DNM3: variants seen among roughly 807,000 people sequenced by gnomAD.
DNM3 encodes dynamin 3, also known as dynamin-3.
Under a neutral mutation model 101.6 loss-of-function variants are expected in DNM3, and 47 were observed. The observed-to-expected ratio is 0.46, with a 90% CI of 0.37 to 0.59. DNM3 has a LOEUF of 0.59. DNM3 is among the 20% of genes least tolerant of loss of function. The pLI is 0.00. For missense variants in DNM3, 849 were observed against 1,085.7 expected (o/e 0.78, Z 3.06); for synonymous variants, 385 against 387.9 (o/e 0.99, Z 0.09).
At chr1:172,078,660 T>C (rs991505006) in intron 11 of DNM3, among the ~76,000 whole-genome samples, 1 of 152,208 alleles carries the variant, frequency 6.6e-6, no homozygotes, top group Non-Finnish European at 1.5e-5. Flanking sequence ...TTTGATCCTG[T>C]CATTATGATG....
intron 4 of DNM3, among the ~76,000 whole-genome samples, chr1:172,006,823 A>T (rs945360094): frequency 8.6e-5 from 13 of 151,992 alleles, no homozygotes; most frequent in Admixed American, 3.9e-4. Context: ...CTAGTATCCA[A>T]CTCCTGGCTC....
At chr1:171,891,979 G>A (rs7554700) in intron 1 of DNM3, among the ~76,000 whole-genome samples, 112,611 of 152,160 alleles carry the variant, frequency 0.74, 42,190 homozygotes, top group African/African-American at 0.87. Context: ...ACTCATCTGC[G>A]TGGGAGTTTT....
intron 13 of DNM3, among the ~76,000 whole-genome samples, chr1:172,128,747 C>T (rs1223242451): frequency 6.6e-6 from 1 of 152,178 alleles, no homozygotes; most frequent in Non-Finnish European, 1.5e-5. Context: ...GCTACACTAT[C>T]ACCTACTTCT....
chr1:172,170,737 T>C (rs1211905793), intron 14 of DNM3, among the ~76,000 whole-genome samples: 1 of 151,832 alleles, frequency 6.6e-6, no homozygotes, highest in Non-Finnish European at 1.5e-5. Flanking sequence ...ATTCTCTACA[T>C]CTCACCTTCT....
At chr1:171,969,494 G>T (rs2043832211) in intron 2 of DNM3, among the ~76,000 whole-genome samples, 1 of 152,152 alleles carries the variant, frequency 6.6e-6, no homozygotes, top group South Asian at 2.1e-4. Flanking sequence ...GTAATCTCTG[G>T]AGCTGCCCTA....
chr1:172,053,552 G>T (rs1402416447), intron 10 of DNM3, among the ~76,000 whole-genome samples: 1 of 151,860 alleles, frequency 6.6e-6, no homozygotes, highest in Non-Finnish European at 1.5e-5. Flanking sequence ...TGAAAAAAAA[G>T]GCGCTGTGTT....
chr1:171,937,713 G>A (rs1447441212), intron 2 of DNM3, among the ~76,000 whole-genome samples: 1 of 152,056 alleles, frequency 6.6e-6, no homozygotes, highest in Non-Finnish European at 1.5e-5. Context: ...GGGACCACAG[G>A]GGTGTGCCAC....
chr1:172,378,975 AG>A, intron 17 of DNM3, 42 bp from the exon 18 acceptor site: 1 of 1,577,934 alleles, frequency 6.3e-7, no homozygotes, highest in Non-Finnish European at 8.6e-7. Context: ...TTTTCTTCTG[AG>A]TGAATATGAG....
intron 17 of DNM3, among the ~76,000 whole-genome samples, chr1:172,339,447 G>C (rs2066591624): frequency 1.3e-5 from 2 of 152,154 alleles, no homozygotes; most frequent in South Asian, 4.1e-4. Flanking sequence ...TAGCCAGTCA[G>C]TCACCTGTTT....
chr1:171,972,948 GA>G (rs1370968595), intron 2 of DNM3, among the ~76,000 whole-genome samples: 1 of 152,186 alleles, frequency 6.6e-6, no homozygotes, highest in East Asian at 1.9e-4. Context: ...TCAATACCCT[GA>G]AGTTATTTGC....
At chr1:172,027,896 A>C (rs2048328720) in intron 4 of DNM3, among the ~76,000 whole-genome samples, 1 of 152,220 alleles carries the variant, frequency 6.6e-6, no homozygotes, top group Non-Finnish European at 1.5e-5. Context: ...ATATGCACCC[A>C]ATACAGGAGC....
At chr1:171,890,419 C>T (rs1163000675) in intron 1 of DNM3, among the ~76,000 whole-genome samples, 2 of 152,066 alleles carry the variant, frequency 1.3e-5, no homozygotes, top group Non-Finnish European at 1.5e-5. Context: ...AAAGCATAAC[C>T]GAGTTTATTT....
intron 14 of DNM3, among the ~76,000 whole-genome samples, chr1:172,230,339 A>T (rs567868): frequency 0.064 from 9,696 of 152,242 alleles, 1,045 homozygotes; most frequent in African/African-American, 0.22. Context: ...CATTTAATAA[A>T]TTAAATTATT....
intron 14 of DNM3, among the ~76,000 whole-genome samples, chr1:172,142,786 C>A (rs903838030): frequency 4.7e-5 from 7 of 147,864 alleles, no homozygotes; most frequent in African/African-American, 1.7e-4. Flanking sequence ...TACCAAAGTA[C>A]CTTGTTAGCT....
intron 4 of DNM3, among the ~76,000 whole-genome samples, chr1:171,991,915 C>A (rs2045658608): frequency 6.6e-6 from 1 of 152,198 alleles, no homozygotes; most frequent in Non-Finnish European, 1.5e-5. Context: ...GCAAATGATA[C>A]CATTCAGTCC....
chr1:172,089,733 A>G (rs2053779310), intron 12 of DNM3, among the ~76,000 whole-genome samples: 1 of 152,212 alleles, frequency 6.6e-6, no homozygotes. Context: ...TTCCTTTGGC[A>G]TATTCTTACA....
chr1:172,129,058 C>T (rs1183040445), intron 13 of DNM3, among the ~76,000 whole-genome samples: 4 of 152,150 alleles, frequency 2.6e-5, no homozygotes, highest in Non-Finnish European at 5.9e-5. Flanking sequence ...ATTATACATA[C>T]TGATGCCAGC....
intron 14 of DNM3, among the ~76,000 whole-genome samples, chr1:172,194,682 C>A (rs902537136): frequency 2.6e-5 from 4 of 151,978 alleles, no homozygotes; most frequent in Admixed American, 2.6e-4. Flanking sequence ...AGGATTGCAA[C>A]CCCTACTTTT....
intron 14 of DNM3, among the ~76,000 whole-genome samples, chr1:172,160,853 G>A (rs928901188): frequency 2.6e-5 from 4 of 152,010 alleles, no homozygotes; most frequent in African/African-American, 9.7e-5. Flanking sequence ...ACCAGCATCA[G>A]TATAAACATG....
Sources: gnomAD v4.1 joint callset for allele counts (sites outside exome capture counted in the v4.1 genomes callset) on GRCh38, gnomAD v4.1.1 for gene constraint, MANE v1.5 for transcripts, NCBI Gene and HGNC (gene_info 2026-07-23, HGNC 2026-07-21) for gene names.